The following SLC4A4 variants were observed in gnomAD, a reference collection of about 807,000 sequenced individuals.
SLC4A4 encodes electrogenic sodium bicarbonate cotransporter 1.
Under a neutral mutation model 111.5 loss-of-function variants are expected in SLC4A4, and 27 were observed. That is an observed-to-expected ratio of 0.24 (90% CI 0.18 to 0.33). The LOEUF is 0.33. Ranked by LOEUF, SLC4A4 falls within the 10% of genes least tolerant of loss-of-function variation. The probability of loss-of-function intolerance (pLI) is 1.00; values close to 1 mark genes in which losing one functional copy is unlikely to be tolerated. For missense variants in SLC4A4, 909 were observed against 1,315.5 expected, an observed-to-expected ratio of 0.69 and a Z score of 4.78; for synonymous variants, 443 against 463.4, an observed-to-expected ratio of 0.96 and a Z score of 0.57.
At chr4:71,322,968 G>A (rs1388377843) in intron 3 of SLC4A4, among the ~76,000 whole-genome samples, 1 of 151,808 alleles carries the variant, frequency 6.6e-6, no homozygotes, top group Non-Finnish European at 1.5e-5. Flanking sequence ...CAGAACCATG[G>A]CCAGTCCTGG....
chr4:71,111,925 G>A (rs1420419666), intron 2 of SLC4A4, among the ~76,000 whole-genome samples: 1 of 151,820 alleles, frequency 6.6e-6, no homozygotes, highest in Non-Finnish European at 1.5e-5. Context: ...TTGAACTCCT[G>A]CCCTCAAGTG....
chr4:71,488,577 A>G (rs1729621325), intron 15 of SLC4A4, among the ~76,000 whole-genome samples: 1 of 151,736 alleles, frequency 6.6e-6, no homozygotes, highest in African/African-American at 2.4e-5. Context: ...ACCAGGGTTA[A>G]TTACTTCTAT....
At chr4:71,512,588 T>G (rs1732029470) in intron 16 of SLC4A4, among the ~76,000 whole-genome samples, 1 of 152,180 alleles carries the variant, frequency 6.6e-6, no homozygotes, top group Non-Finnish European at 1.5e-5. Context: ...TTCCATAGGT[T>G]GTCTCTTCAT....
intron 3 of SLC4A4, among the ~76,000 whole-genome samples, chr4:71,334,153 A>G (rs1182341246): frequency 5.3e-5 from 8 of 151,812 alleles, no homozygotes; most frequent in African/African-American, 1.9e-4. Flanking sequence ...TCTGGATCTC[A>G]CTCAAGGTCC....
intron 3 of SLC4A4, among the ~76,000 whole-genome samples, chr4:71,277,341 A>C (rs995382812): frequency 5.9e-5 from 9 of 152,162 alleles, no homozygotes; most frequent in Admixed American, 5.9e-4. Context: ...CTGTTCTGAT[A>C]GTTGTATAGT....
intron 1 of SLC4A4, among the ~76,000 whole-genome samples, chr4:71,235,398 A>G (rs940661514): frequency 1.5e-4 from 23 of 152,244 alleles, no homozygotes; most frequent in Admixed American, 5.9e-4. Flanking sequence ...AAACAGACCT[A>G]CAATATTCAA....
chr4:71,482,433 G>A (rs892048766), intron 14 of SLC4A4, among the ~76,000 whole-genome samples: 1 of 151,554 alleles, frequency 6.6e-6, no homozygotes, highest in Non-Finnish European at 1.5e-5. Flanking sequence ...CAGAATTGAT[G>A]CTTATCCAAA....
chr4:71,258,919 T>TA (rs1721649249), intron 3 of SLC4A4, among the ~76,000 whole-genome samples: 1 of 152,100 alleles, frequency 6.6e-6, no homozygotes, highest in Non-Finnish European at 1.5e-5. Context: ...TATATACACT[T>TA]AAAAATGCTC....
intron 2 of SLC4A4, among the ~76,000 whole-genome samples, chr4:71,240,978 T>G (rs1720165412): frequency 6.6e-6 from 1 of 151,110 alleles, no homozygotes; most frequent in Non-Finnish European, 1.5e-5. Flanking sequence ...AAAAAATAGC[T>G]GGGTGTTGTG....
chr4:71,466,348 A>G, intron 12 of SLC4A4, 96 bp from the exon 13 acceptor site: 1 of 1,375,954 alleles, frequency 7.3e-7, no homozygotes, highest in Non-Finnish European at 1.0e-6. Flanking sequence ...AGACCCTCCT[A>G]ATAGTATATT....
chr4:71,342,548 A>G (rs1231481988), intron 4 of SLC4A4, among the ~76,000 whole-genome samples: 1 of 152,144 alleles, frequency 6.6e-6, no homozygotes, highest in Non-Finnish European at 1.5e-5. Flanking sequence ...TCATAGCTCT[A>G]AAATTTAATT....
At chr4:71,207,212 G>A (rs1202161568) in intron 1 of SLC4A4, among the ~76,000 whole-genome samples, 1 of 152,168 alleles carries the variant, frequency 6.6e-6, no homozygotes, top group Non-Finnish European at 1.5e-5. Context: ...TGAGGTGTTG[G>A]CTCTATTCCA....
chr4:71,450,589 G>C, intron 10 of SLC4A4, 46 bp downstream of exon 10: 1 of 1,569,492 alleles, frequency 6.4e-7, no homozygotes, highest in Non-Finnish European at 8.7e-7. Context: ...AGATGACTCT[G>C]AGAAGGAGGT....
At position 71,520,377 on chromosome 4, in the gene SLC4A4, A is replaced by AGGTCGGAT. The variant is rs1176519511; in HGVS notation, c.2167-11684_2167-11677dup. 3.3e-5 allele frequency among the ~76,000 whole-genome samples: 5 copies of AGGTCGGAT among 152,346 alleles called. No individual in the cohort carries two copies. The South Asian group carries it at 1.0e-3, about 32-fold the overall frequency. On this transcript the variant is annotated intron_variant, in intron 16 of 25. Transcript: ENST00000264485. ...TTTATTAGTCAGATCAACCAGCACA[A>AGGTCGGAT]GGTCGGATACAGACTAAGTACTCAA...
At chr4:71,314,994 G>A (rs908093956) in intron 3 of SLC4A4, among the ~76,000 whole-genome samples, 11 of 152,068 alleles carry the variant, frequency 7.2e-5, no homozygotes, top group East Asian at 3.8e-4. Flanking sequence ...ACTGCAGTGC[G>A]TACTCATAAG....
At chr4:71,473,115 A>T (rs773759719) in intron 14 of SLC4A4, 145 bp downstream of exon 14, 1 of 896,404 alleles carries the variant, frequency 1.1e-6, no homozygotes, top group Admixed American at 1.9e-5. Flanking sequence ...ACTGAATTTG[A>T]TGTCTCATTG....
intron 16 of SLC4A4, among the ~76,000 whole-genome samples, chr4:71,517,382 T>C (rs924658065): frequency 6.6e-6 from 1 of 152,064 alleles, no homozygotes; most frequent in African/African-American, 2.4e-5. Context: ...ATGCTCTTTA[T>C]TGCATTTCTT....
chr4:71,179,288 C>T (rs950376650), intron 2 of SLC4A4, among the ~76,000 whole-genome samples: 29 of 152,126 alleles, frequency 1.9e-4, no homozygotes, highest in Non-Finnish European at 2.5e-4. Flanking sequence ...CCTTTGAAAA[C>T]TGGCACAAGA....
chr4:71,534,097 T>A, intron 17 of SLC4A4, 130 bp from the exon 18 acceptor site: 1 of 765,922 alleles, frequency 1.3e-6, no homozygotes, highest in Non-Finnish European at 2.3e-6. Flanking sequence ...ATTCTCTAGC[T>A]CATAACTGTT....
Sources: gnomAD v4.1 joint callset for allele counts (sites outside exome capture counted in the v4.1 genomes callset) on GRCh38, gnomAD v4.1.1 for gene constraint, MANE v1.5 for transcripts, NCBI Gene and HGNC (gene_info 2026-07-23, HGNC 2026-07-21) for gene names.